DMTF1: variants seen among roughly 807,000 people sequenced by gnomAD.
DMTF1 encodes the protein cyclin-D-binding Myb-like transcription factor 1.
In DMTF1, 39 loss-of-function variants were observed where a neutral mutation model predicts 91.1. The ratio of observed to expected loss-of-function variants is 0.43; its 90% CI spans 0.33 to 0.56. DMTF1 has a LOEUF of 0.56. Ranked by LOEUF, DMTF1 falls within the 20% of genes least tolerant of loss-of-function variation. DMTF1 has a pLI of 0.05. For synonymous variants in DMTF1, 338 were observed against 309.5 expected, an observed-to-expected ratio of 1.09 and a Z score of -0.97; for missense variants, 750 against 914.5, an observed-to-expected ratio of 0.82 and a Z score of 2.32.
At chr7:87,164,055 A>T (rs1174135757) in intron 2 of DMTF1, among the ~76,000 whole-genome samples, 4 of 2,344 alleles carry the variant, frequency 1.7e-3, no homozygotes, top group African/African-American at 0.014. Context: ...CGCCTTCTCT[A>T]AAAAAAAAAA....
intron 14 of DMTF1, 162 bp from the exon 15 acceptor site, chr7:87,193,036 A>G: frequency 1.5e-6 from 1 of 656,610 alleles, no homozygotes. Flanking sequence ...TTAAACCTTC[A>G]GGCTAGGTAA....
Position 87,155,891 on chromosome 7 carries a change from A to G in DMTF1, c.-132+3336A>G, listed in dbSNP as rs1218774581. On this transcript the variant is annotated intron_variant, in intron 1 of 17. Transcript: ENST00000331242. Reference sequence around the variant, plus strand: ...TATTTAAATGTCATTTTGATTATGTACACTGTTAGGTCATTCTTCCAAGCA... The same window carrying G: ...TATTTAAATGTCATTTTGATTATGTGCACTGTTAGGTCATTCTTCCAAGCA... Among the ~76,000 whole-genome samples the G allele has an allele frequency of 5.3e-5, 8 of 152,180 alleles. No individual in the cohort carries two copies. The East Asian group carries it at 1.5e-3, about 29-fold the overall frequency.
At position 87,154,788 on chromosome 7, in the gene DMTF1, G is replaced by C. The variant is rs370895495; in HGVS notation, c.-132+2233G>C. On this transcript the variant is annotated intron_variant, in intron 1 of 17. Transcript: ENST00000331242. ...AGAGATCTCTTTTTTCAATCCTTTA[G>C]TTATCTCATTACACCCCAGGGGTGC... Among the ~76,000 whole-genome samples, 17 of 152,062 alleles carry C rather than the reference G, an allele frequency of 1.1e-4. No homozygotes were observed. The South Asian group carries it at 3.5e-3, about 32-fold the overall frequency.
In DMTF1 at chr7:87,182,116, C is replaced by T. The variant is rs546935621; in HGVS notation, c.711-112C>T. The T allele has an allele frequency of 1.8e-5, 28 of 1,557,254 alleles. No homozygotes were observed. In the South Asian group the frequency reaches 3.1e-4, roughly 17 times the overall value. The stretch of plus-strand genomic sequence containing the variant: ...AACTTTGGCTCTCAAAGTATTGCTG[C>T]CCACAACTTCCAAACCAGTCAAATG... On this transcript the variant is annotated intron_variant, in intron 9 of 17. Transcript: ENST00000331242.
At chr7:87,160,769 A>G (rs1247368085) in intron 1 of DMTF1, among the ~76,000 whole-genome samples, 1 of 152,074 alleles carries the variant, frequency 6.6e-6, no homozygotes, top group Non-Finnish European at 1.5e-5. Flanking sequence ...CATTGAAAAA[A>G]CACTCTTGTG....
chr7:87,194,784 A>T lies in DMTF1; in HGVS notation c.2129A>T (p.Asp710Val). 1 of 1,612,242 alleles carries T rather than the reference A, an allele frequency of 6.2e-7. No individual in the cohort carries two copies. The highest frequency in any genetic ancestry group is 8.5e-7 in the Non-Finnish European group (1 of 1,178,910). ...CCACATGGCTTTATCCAGGCATCTG[A>T]TGTTATAGATACTGAATCTGTCTTG... is the stretch of plus-strand genomic sequence containing the variant. ...PSPHGFIQAS[D>V]VIDTESVLPL... Residue 710 changes from aspartate (D) to valine (V), a missense_variant, in exon 17 of 18, where the codon GAT becomes GTT. Physicochemically the swap from Asp to Val is radical, Grantham distance 152. Transcript: ENST00000331242.
At position 87,166,583 on chromosome 7, in the gene DMTF1, C is replaced by T. The variant is rs752975142; in HGVS notation, c.210C>T (p.Cys70=). 6.2e-7 allele frequency: 1 copy of T among 1,612,982 alleles called. No homozygotes were observed. The highest frequency in any genetic ancestry group is 1.1e-5 in the South Asian group (1 of 90,992). The part of the protein sequence containing the change: ...DDQSIDDSTP[C]ISVVALPLSE... ...AGAGTATTGATGATTCTACTCCTTG[C>T]ATATCAGTTGTTGCACTTCCACGTA... is the stretch of plus-strand genomic sequence containing the variant. The change falls in exon 4 of 18, where the codon TGC becomes TGT. Residue 70 remains cysteine (C), a synonymous_variant. Transcript: ENST00000331242.
chr7:87,169,310 T>G (rs1430361986), intron 4 of DMTF1, among the ~76,000 whole-genome samples: 1 of 143,814 alleles, frequency 7.0e-6, no homozygotes, highest in Non-Finnish European at 1.6e-5. Context: ...AATACAAAAA[T>G]TAGCTGGGTG....
At chr7:87,166,371 C>G in intron 3 of DMTF1, 112 bp from the exon 4 acceptor site, 1 of 1,108,700 alleles carries the variant, frequency 9.0e-7, no homozygotes, top group East Asian at 2.5e-5. Flanking sequence ...GTTAAATGAG[C>G]AAATTGGTAA....
At chr7:87,174,827 A>G (rs999796661) in intron 7 of DMTF1, among the ~76,000 whole-genome samples, 158 bp downstream of exon 7, 4 of 152,202 alleles carry the variant, frequency 2.6e-5, no homozygotes, top group Non-Finnish European at 5.9e-5. Context: ...TCTAAAATAC[A>G]TTATTATAGT....
In DMTF1 at chr7:87,173,625, G is replaced by C; in HGVS notation, c.418G>C (p.Asp140His). The change falls in exon 6 of 18, where the codon GAT becomes CAT. Residue 140 changes from aspartate (D) to histidine (H), a missense_variant. Around this residue, in one of 3 missense-constraint regions of DMTF1, gnomAD observed 190 missense variants for 343.8 expected, o/e 0.55. Coordinates refer to ENST00000331242, the MANE Select transcript of DMTF1 (RefSeq NM_001142327.2). The part of the protein sequence containing the change: ...VSQAWFTTKE[D>H]KDSLTNKGHK... The stretch of plus-strand genomic sequence containing the variant: ...CCAAGCATGGTTTACAACTAAAGAA[G>C]ATAAGGATTCTCTGACTAATAAAGG... 1 of 1,608,934 alleles carries C rather than the reference G, an allele frequency of 6.2e-7. No individual in the cohort carries two copies. The highest frequency in any genetic ancestry group is 2.2e-5 in the East Asian group (1 of 44,634).
chr7:87,155,117 A>G (rs987240395), intron 1 of DMTF1, among the ~76,000 whole-genome samples: 1 of 152,214 alleles, frequency 6.6e-6, no homozygotes, highest in Non-Finnish European at 1.5e-5. Flanking sequence ...AAGTATTCCT[A>G]AGGATTTACT....
intron 11 of DMTF1, among the ~76,000 whole-genome samples, chr7:87,185,382 T>C (rs1387329243): frequency 6.6e-6 from 1 of 151,476 alleles, no homozygotes. Context: ...TATTTTGTTT[T>C]GGATTTTTTT....
At chr7:87,184,292 T>G in intron 10 of DMTF1, 105 bp from the exon 11 acceptor site, 1 of 1,052,446 alleles carries the variant, frequency 9.5e-7, no homozygotes, top group Non-Finnish European at 1.4e-6. Flanking sequence ...AGAAACAAAC[T>G]CTTAGTACTA....
chr7:87,164,295 T>C (rs1433372332), intron 2 of DMTF1: 2 of 152,154 alleles, frequency 1.3e-5, no homozygotes, highest in Non-Finnish European at 2.9e-5. Flanking sequence ...TCCATCTGTC[T>C]GAACAAGAGG....
intron 6 of DMTF1, among the ~76,000 whole-genome samples, chr7:87,174,075 G>T (rs1305408319): frequency 3.5e-5 from 5 of 144,384 alleles, no homozygotes; most frequent in Admixed American, 6.8e-5. Context: ...CTACAAAAAA[G>T]TGAGGGTTGT....
In DMTF1 at chr7:87,182,079, G is replaced by A. The variant is rs942236272; in HGVS notation, c.711-149G>A. 4 of 1,539,138 alleles carry A rather than the reference G, an allele frequency of 2.6e-6. No individual in the cohort carries two copies. In the African/African-American group the frequency reaches 4.1e-5, roughly 16 times the overall value. The stretch of plus-strand genomic sequence containing the variant: ...AGACAACTGTGGACCCCAAAAAAAG[G>A]CCACACTTTCAAACTTTGGCTCTCA... On this transcript the variant is annotated intron_variant, in intron 9 of 17. Transcript: ENST00000331242.
intron 13 of DMTF1, 95 bp downstream of exon 13, chr7:87,188,396 A>G: frequency 7.5e-7 from 1 of 1,335,600 alleles, no homozygotes; most frequent in Non-Finnish European, 1.1e-6. Flanking sequence ...GTTAATAGAA[A>G]TTTACCCAAG....
rs767321632 is a variant in DMTF1, at chr7:87,193,930, C to T, written c.1856C>T (p.Pro619Leu). The change falls in exon 16 of 18, where the codon CCT (proline) becomes CTT (leucine). Residue 619 changes from proline (P) to leucine (L), a missense_variant. Coordinates refer to ENST00000331242, the MANE Select transcript of DMTF1 (RefSeq NM_001142327.2). ...ADTFPDEIHH[P>L]KMTVEPSFND... ...ACTTTCCCAGATGAAATTCATCACCCTAAGATGACTGTGGAGCCATCATTT... is the reference window on the plus strand; with the variant it reads ...ACTTTCCCAGATGAAATTCATCACCTTAAGATGACTGTGGAGCCATCATTT... The T allele has an allele frequency of 6.8e-6, 11 of 1,613,360 alleles. No homozygotes were observed. The highest frequency in any genetic ancestry group is 3.3e-4 in the Middle Eastern group (2 of 6,052).
Sources: allele counts gnomAD v4.1 joint callset (sites outside exome capture counted in the v4.1 genomes callset), GRCh38; gene constraint gnomAD v4.1.1; regional missense constraint gnomAD v4.1.1; transcripts MANE v1.5; gene names NCBI Gene and HGNC (gene_info 2026-07-23, HGNC 2026-07-21).